The following KNTC1 variants were observed in gnomAD, a reference collection of about 807,000 sequenced individuals.
KNTC1 encodes kinetochore-associated protein 1.
KNTC1 carries 253 observed loss-of-function variants against 314.4 expected under a neutral mutation model. The observed-to-expected ratio is 0.80, with a 90% confidence interval of 0.73 to 0.89. The LOEUF (loss-of-function observed/expected upper bound fraction) is 0.89. KNTC1 is among the 40% of genes least tolerant of loss of function. The pLI is 0.00. For missense variants in KNTC1, 2,475 were observed against 2,572.9 expected (o/e 0.96, Z 0.82); for synonymous variants, 901 against 901.4 (o/e 1.00, Z 0.01).
chr12:122,586,488 A>T (rs1191276802), intron 37 of KNTC1, among the ~76,000 whole-genome samples: 6 of 152,212 alleles, frequency 3.9e-5, no homozygotes, highest in African/African-American at 1.4e-4. Flanking sequence ...TTAAAGCATC[A>T]GTTCGCTTTA....
chr12:122,531,171 T>A (rs994738248), intron 2 of KNTC1, among the ~76,000 whole-genome samples: 2 of 152,068 alleles, frequency 1.3e-5, no homozygotes, highest in African/African-American at 2.4e-5. Flanking sequence ...CTTTTTTTTT[T>A]AAACTGGCTG....
At chr12:122,618,583 T>G (rs775715685) in intron 59 of KNTC1, 38 bp downstream of exon 59, 1 of 1,403,804 alleles carries the variant, frequency 7.1e-7, no homozygotes, top group Non-Finnish European at 1.0e-6. Context: ...AAAAAAAAAG[T>G]TTGTTGCTTA....
At chr12:122,597,518 A>C in intron 43 of KNTC1, 1 of 498,726 alleles carries the variant, frequency 2.0e-6, no homozygotes, top group Non-Finnish European at 3.7e-6. Flanking sequence ...AAGTGCTGGG[A>C]TTACAGGTGT....
In KNTC1 at chr12:122,587,575, C is replaced by G. The variant is rs902686711; in HGVS notation, c.3731-136C>G. On this transcript the variant is annotated intron_variant, in intron 38 of 63. Coordinates refer to ENST00000333479, the MANE Select transcript of KNTC1 (RefSeq NM_014708.6). ...TAAGTCAAGCCTCATGTTAACTTCTCATTAACTAACTGAGAACAAACTCCA... is the reference window on the plus strand; with the variant it reads ...TAAGTCAAGCCTCATGTTAACTTCTGATTAACTAACTGAGAACAAACTCCA... 8.6e-6 allele frequency: 5 copies of G among 579,840 alleles called. No individual in the cohort carries two copies. The African/African-American group carries it at 9.6e-5, about 11-fold the overall frequency. 35.9% of individuals were successfully genotyped at this position (579,840 alleles called of 1,614,324 possible).
intron 51 of KNTC1, among the ~76,000 whole-genome samples, chr12:122,607,145 C>A (rs116094392): frequency 1.3e-5 from 2 of 152,228 alleles, no homozygotes; most frequent in African/African-American, 2.4e-5. Context: ...CTCACTGCAA[C>A]CCCCACCTCC....
At chr12:122,531,314 C>T (rs561752349) in intron 2 of KNTC1, among the ~76,000 whole-genome samples, 4 of 152,060 alleles carry the variant, frequency 2.6e-5, no homozygotes, top group African/African-American at 9.7e-5. Context: ...TCAAAAAATT[C>T]TCCTGTCTCA....
chr12:122,583,339 G>A (rs978929998), intron 34 of KNTC1, among the ~76,000 whole-genome samples: 2 of 152,122 alleles, frequency 1.3e-5, no homozygotes, highest in African/African-American at 4.8e-5. Context: ...TCAGTCATAA[G>A]GGTAGGGCCA....
rs1267943240 is a variant in KNTC1 at position 122,582,934 on chromosome 12, C to T, written c.3212C>T (p.Thr1071Ile). 11 of 1,613,388 alleles carry T rather than the reference C, an allele frequency of 6.8e-6. No individual in the cohort carries two copies. Among genetic ancestry groups the T allele is most frequent in the African/African-American group, 1.3e-5 (1 of 75,006 alleles). Residue 1071 changes from threonine (T) to isoleucine (I), a missense_variant, in exon 34 of 64, where the codon ACC becomes ATC. Thr to Ile is a moderately conservative substitution (Grantham distance 89). Transcript: ENST00000333479. ...AAACAAGAGCTGGAGGCAGAGCTGA[C>T]CTTGAGAGCCTTAAAAGATGGGAAC... ...MSKQELEAELTLRALKDGNIK... is the reference protein window; with the variant it reads ...MSKQELEAELILRALKDGNIK...
chr12:122,615,664 G>A (rs994755106), intron 57 of KNTC1, 138 bp downstream of exon 57: 13 of 799,460 alleles, frequency 1.6e-5, no homozygotes, highest in Admixed American at 3.4e-5. Flanking sequence ...GCTCACTCCT[G>A]TAACCCCAAC....
chr12:122,541,836 T>C (rs1322343734), intron 5 of KNTC1, among the ~76,000 whole-genome samples: 1 of 151,074 alleles, frequency 6.6e-6, no homozygotes, highest in African/African-American at 2.4e-5. Flanking sequence ...CTGGCCAACA[T>C]GGTGAAACCC....
intron 17 of KNTC1, 32 bp from the exon 18 acceptor site, chr12:122,557,568 T>C: frequency 6.2e-7 from 1 of 1,610,054 alleles, no homozygotes; most frequent in East Asian, 2.2e-5. Flanking sequence ...CAACATTAGG[T>C]TGCCTTACTG....
At chr12:122,554,740 A>T (rs917384091) in intron 16 of KNTC1, among the ~76,000 whole-genome samples, 1 of 152,238 alleles carries the variant, frequency 6.6e-6, no homozygotes, top group African/African-American at 2.4e-5. Context: ...ACTCTTTGTT[A>T]TCATTTATAG....
chr12:122,583,772 G>A (rs1232790021), intron 34 of KNTC1, among the ~76,000 whole-genome samples: 1 of 152,064 alleles, frequency 6.6e-6, no homozygotes, highest in Non-Finnish European at 1.5e-5. Flanking sequence ...GTTGCAGTGA[G>A]CCCAGATCGT....
At chr12:122,529,272 C>G (rs1961106007) in intron 1 of KNTC1, among the ~76,000 whole-genome samples, 1 of 152,158 alleles carries the variant, frequency 6.6e-6, no homozygotes, top group Admixed American at 6.5e-5. Flanking sequence ...TTGTGCTATA[C>G]CTTTTATAGA....
intron 62 of KNTC1, among the ~76,000 whole-genome samples, chr12:122,623,503 T>C (rs1188533072): frequency 6.6e-6 from 1 of 152,208 alleles, no homozygotes; most frequent in Non-Finnish European, 1.5e-5. Flanking sequence ...CATAATTAGA[T>C]ATTGTCATTT....
intron 18 of KNTC1, 97 bp downstream of exon 18, chr12:122,557,786 C>T (rs1035565546): frequency 2.8e-5 from 22 of 798,876 alleles, no homozygotes; most frequent in South Asian, 5.1e-5. Context: ...TCCTCCTATC[C>T]GCTATGTGTA....
chr12:122,536,868 A>C (rs1216107015), intron 3 of KNTC1, among the ~76,000 whole-genome samples: 4 of 152,196 alleles, frequency 2.6e-5, no homozygotes, highest in Admixed American at 2.6e-4. Context: ...TTTACATAAG[A>C]ACTTAGACAA....
At chr12:122,610,319 G>A (rs1872984117) in intron 52 of KNTC1, among the ~76,000 whole-genome samples, 1 of 152,148 alleles carries the variant, frequency 6.6e-6, no homozygotes, top group African/African-American at 2.4e-5. Context: ...ATCCCAAAAG[G>A]CTACTTAATG....
chr12:122,542,073 A>C lies in KNTC1; in HGVS notation c.469A>C (p.Thr157Pro). The part of the protein sequence containing the change: ...NEGTYYMLLL[T>P]YSGFFCITNL... ...AGGTACCTATTATATGCTACTTCTT[A>C]CATACAGTGGATTTTTTTGTATTAC... The change falls in exon 6 of 64, where the codon ACA becomes CCA. Residue 157 changes from threonine to proline, a missense_variant. Thr to Pro is a conservative substitution (Grantham distance 38, BLOSUM62 -1). Coordinates refer to ENST00000333479, the MANE Select transcript of KNTC1 (RefSeq NM_014708.6). 6.5e-7 allele frequency: 1 copy of C among 1,548,330 alleles called. No individual in the cohort carries two copies. Among genetic ancestry groups the C allele is most frequent in the Non-Finnish European group, 8.8e-7 (1 of 1,137,592 alleles).
Sources: gnomAD v4.1 joint callset for allele counts (sites outside exome capture counted in the v4.1 genomes callset) on GRCh38, gnomAD v4.1.1 for gene constraint, MANE v1.5 for transcripts, NCBI Gene and HGNC (gene_info 2026-07-23, HGNC 2026-07-21) for gene names.